ARHGAP35: variants seen among roughly 807,000 people sequenced by gnomAD.
ARHGAP35 encodes Rho GTPase activating protein 35.
In ARHGAP35, 15 loss-of-function variants were observed where a neutral mutation model predicts 111.1. That is an observed-to-expected ratio of 0.13 (90% CI 0.09 to 0.21). The LOEUF (loss-of-function observed/expected upper bound fraction) is 0.21, where lower values mean the gene tolerates loss of function less well. Ranked by LOEUF, ARHGAP35 falls within the 10% of genes least tolerant of loss-of-function variation. The pLI is 1.00. For missense variants in ARHGAP35, 1,262 were observed against 1,873.0 expected, an observed-to-expected ratio of 0.67 and a Z score of 6.02; for synonymous variants, 643 against 710.3, an observed-to-expected ratio of 0.91 and a Z score of 1.51.
chr19:47,000,222 C>T lies in ARHGAP35; in HGVS notation c.4143-109C>T. 2.5e-6 allele frequency: 3 copies of T among 1,206,924 alleles called. No homozygotes were observed. Among genetic ancestry groups the T allele is most frequent in the Non-Finnish European group, 3.5e-6 (3 of 854,500 alleles). 74.8% of individuals were successfully genotyped at this position (1,206,924 alleles called of 1,614,324 possible). A position where few individuals can be genotyped will look rare whatever the true frequency, so the allele number is the denominator to read the frequency against. On this transcript the variant is annotated intron_variant, in intron 6 of 6. Transcript: ENST00000672722. This position sits in a 1 kb window ranked among gnomAD's most constrained non-coding sequence, Gnocchi z 6.9. Reference sequence around the variant, plus strand: ...GAGCTGCGCATGGCCTTTTCTGCTCCACCTGAGGGAAGAAAGGTGGGCTCA... The same window carrying T: ...GAGCTGCGCATGGCCTTTTCTGCTCTACCTGAGGGAAGAAAGGTGGGCTCA...
rs765148460 is a variant in ARHGAP35 at position 46,988,072 on chromosome 19, G to A, written c.3904+6G>A. On this transcript the variant is annotated splice_donor_region_variant and intron_variant, in intron 4 of 6. Transcript: ENST00000672722. This position sits in a 1 kb window ranked among gnomAD's most constrained non-coding sequence, Gnocchi z 5.4. ...GCAGAGACAGTTTGATCAAGGTAAA[G>A]TGCAGCCTGGCCAGGCATCCGAGGC... 6.2e-7 allele frequency: 1 copy of A among 1,613,314 alleles called. No individual in the cohort carries two copies. The highest frequency in any genetic ancestry group is 8.5e-7 in the Non-Finnish European group (1 of 1,179,640).
chr19:46,987,189 C>T (rs2056655003), intron 3 of ARHGAP35, among the ~76,000 whole-genome samples: 1 of 150,460 alleles, frequency 6.6e-6, no homozygotes, highest in Admixed American at 6.7e-5. Flanking sequence ...CTTGGAAAAC[C>T]CTGTATCACT....
intron 1 of ARHGAP35, among the ~76,000 whole-genome samples, chr19:46,881,614 T>G (rs923724067): frequency 6.6e-6 from 1 of 152,216 alleles, no homozygotes; most frequent in African/African-American, 2.4e-5. Context: ...CATCCAAGCT[T>G]TGTTCCATTT....
intron 1 of ARHGAP35, among the ~76,000 whole-genome samples, chr19:46,872,546 G>T (rs916585631): frequency 4.6e-5 from 7 of 151,778 alleles, no homozygotes; most frequent in Non-Finnish European, 8.8e-5. Context: ...TAGTACCTTT[G>T]AAGGTAAGGC....
intron 1 of ARHGAP35, among the ~76,000 whole-genome samples, chr19:46,866,372 A>G (rs1461522108): frequency 1.3e-5 from 2 of 152,210 alleles, no homozygotes; most frequent in Non-Finnish European, 1.5e-5. Flanking sequence ...GAGGAATGGA[A>G]GGCTGGCATA....
At chr19:46,980,995 A>G (rs1483261258) in intron 3 of ARHGAP35, among the ~76,000 whole-genome samples, 2 of 152,122 alleles carry the variant, frequency 1.3e-5, no homozygotes, top group East Asian at 1.9e-4. Context: ...CTGCCCCCTC[A>G]CCCTTTGATC....
intron 1 of ARHGAP35, among the ~76,000 whole-genome samples, chr19:46,873,429 C>T (rs1021016313): frequency 1.3e-5 from 2 of 151,662 alleles, no homozygotes; most frequent in African/African-American, 2.4e-5. Flanking sequence ...GTCAGGAGTT[C>T]GAAACTACCC....
intron 1 of ARHGAP35, among the ~76,000 whole-genome samples, chr19:46,899,368 T>C (rs2056072873): frequency 6.6e-6 from 1 of 152,120 alleles, no homozygotes; most frequent in South Asian, 2.1e-4. Flanking sequence ...TGGGTTCAAA[T>C]TGGATTGAGA....
intron 3 of ARHGAP35, among the ~76,000 whole-genome samples, chr19:46,972,622 A>G (rs1336970840): frequency 6.6e-6 from 1 of 152,190 alleles, no homozygotes; most frequent in Non-Finnish European, 1.5e-5. Flanking sequence ...TGATTGAAAA[A>G]TGAAGACAAA....
rs1272030591 is a variant in ARHGAP35 at position 46,901,629 on chromosome 19, G to C, written c.-188-16859G>C. ...GCTCTAGGAGAGCAAGAGTATACAT[G>C]TGAAGAACGCGTAAGGCTGTGGGGA... is the stretch of plus-strand genomic sequence containing the variant. On this transcript the variant is annotated intron_variant, in intron 1 of 6. Coordinates refer to ENST00000672722, the MANE Select transcript of ARHGAP35 (RefSeq NM_004491.5). The surrounding 1 kb of genome is among the most constrained non-coding windows in gnomAD (Gnocchi z 4.5). 6.6e-6 allele frequency among the ~76,000 whole-genome samples: 1 copy of C among 152,200 alleles called. No individual in the cohort carries two copies. Among genetic ancestry groups the C allele is most frequent in the African/African-American group, 2.4e-5 (1 of 41,458 alleles).
chr19:46,949,198 A>T (rs980273611), intron 3 of ARHGAP35: 4 of 152,134 alleles, frequency 2.6e-5, no homozygotes, highest in Non-Finnish European at 5.9e-5. Context: ...CTTTAAATGG[A>T]TACAGTTTAC....
chr19:46,876,844 A>G (rs1287753605), intron 1 of ARHGAP35, among the ~76,000 whole-genome samples: 2 of 152,210 alleles, frequency 1.3e-5, no homozygotes, highest in Non-Finnish European at 2.9e-5. Context: ...GTAGGAAAAT[A>G]AATACAGGCA....
chr19:46,962,267 T>A (rs1783986661), intron 3 of ARHGAP35, among the ~76,000 whole-genome samples: 2 of 152,346 alleles, frequency 1.3e-5, no homozygotes, highest in Admixed American at 1.3e-4. Flanking sequence ...GTTGAAGAGA[T>A]TCCCCACTGT....
At chr19:46,976,088 C>T (rs920445794) in intron 3 of ARHGAP35, among the ~76,000 whole-genome samples, 5 of 152,118 alleles carry the variant, frequency 3.3e-5, no homozygotes, top group African/African-American at 1.2e-4. Flanking sequence ...TATACTGTTT[C>T]ATATGCTGTG....
chr19:46,994,408 G>A lies in ARHGAP35; in HGVS notation c.4036+4733G>A, dbSNP rs375052802. 3.5e-4 allele frequency among the ~76,000 whole-genome samples: 54 copies of A among 152,336 alleles called. No individual in the cohort carries two copies. In the East Asian group the frequency reaches 5.4e-3, roughly 15 times the overall value. The stretch of plus-strand genomic sequence containing the variant: ...CAGCCTTCGGCAGCACCATAGGGTA[G>A]AAGGTGTCCAGGGTGCACGGGCTGG... On this transcript the variant is annotated intron_variant, in intron 5 of 6. Transcript: ENST00000672722. The surrounding 1 kb of genome is among the most constrained non-coding windows in gnomAD (Gnocchi z 5.4).
intron 3 of ARHGAP35, among the ~76,000 whole-genome samples, chr19:46,976,811 T>C (rs1568484985): frequency 6.6e-6 from 1 of 152,224 alleles, no homozygotes; most frequent in Non-Finnish European, 1.5e-5. Context: ...GACTGTGCCA[T>C]TGAATTATCA....
chr19:46,938,304 T>C (rs1599833679), intron 3 of ARHGAP35, among the ~76,000 whole-genome samples: 2 of 152,312 alleles, frequency 1.3e-5, no homozygotes, highest in African/African-American at 4.8e-5. Context: ...CATATTTACT[T>C]AGGATGTTGT....
Position 46,945,168 on chromosome 19 carries a change from G to T in ARHGAP35, c.3826+7760G>T. On this transcript the variant is annotated intron_variant, in intron 3 of 6. Transcript: ENST00000672722. This position sits in a 1 kb window ranked among gnomAD's most constrained non-coding sequence, Gnocchi z 4.1. ...GCCACTGAGAGTGGGAAGGAGGCGG[G>T]GTTGAGGGGGAGCTTAGGAGGCGGG... 6.6e-6 allele frequency among the ~76,000 whole-genome samples: 1 copy of T among 152,060 alleles called. No individual in the cohort carries two copies. The highest frequency in any genetic ancestry group is 6.5e-5 in the Admixed American group (1 of 15,280).
chr19:46,968,746 T>C (rs1265426450), intron 3 of ARHGAP35, among the ~76,000 whole-genome samples: 1 of 152,154 alleles, frequency 6.6e-6, no homozygotes, highest in South Asian at 2.1e-4. Context: ...GCCCATGATC[T>C]CATTTACACA....
Sources: allele counts gnomAD v4.1 joint callset (sites outside exome capture counted in the v4.1 genomes callset), GRCh38; gene constraint gnomAD v4.1.1; non-coding constraint Gnocchi (gnomAD v3.1); transcripts MANE v1.5; gene names NCBI Gene and HGNC (gene_info 2026-07-23, HGNC 2026-07-21).